Variants in GPSM1 observed in about 807,000 individuals in gnomAD.
The protein encoded by GPSM1 is G protein signaling modulator 1, also known as G protein-signaling modulator 1.
GPSM1 carries 48 observed loss-of-function variants against 70.5 expected under a neutral mutation model. The ratio of observed to expected loss-of-function variants is 0.68; its 90% CI spans 0.54 to 0.87. The LOEUF is 0.87. Among genes scored for constraint, GPSM1 ranks in the 40% least tolerant of loss-of-function variants. The pLI, the probability that GPSM1 is intolerant of heterozygous loss-of-function variation, is 0.00. For missense variants in GPSM1, 981 were observed against 972.6 expected, an observed-to-expected ratio of 1.01 and a Z score of -0.11; for synonymous variants, 416 against 430.1, an observed-to-expected ratio of 0.97 and a Z score of 0.41.
rs1554770717 is a variant in GPSM1 at position 136,343,672 on chromosome 9, G to A, written c.1207+2679G>A. ...TGATCAAGTGACTTGACCCACTTGT[G>A]CCTCAGTGTCCCCATCTGGGGAACG... is the stretch of plus-strand genomic sequence containing the variant. On this transcript the variant is annotated intron_variant, in intron 9 of 13. Coordinates refer to ENST00000440944, the MANE Select transcript of GPSM1 (RefSeq NM_001145638.3). The surrounding 1 kb of genome is among the most constrained non-coding windows in gnomAD (Gnocchi z 6.0). Among the ~76,000 whole-genome samples the A allele has an allele frequency of 6.6e-6, 1 of 152,232 alleles. No individual in the cohort carries two copies.
intron 12 of GPSM1, 80 bp from the exon 13 acceptor site, chr9:136,356,262 A>C: frequency 9.3e-7 from 1 of 1,076,612 alleles, no homozygotes; most frequent in Non-Finnish European, 1.3e-6. Context: ...CTCAGAGGTC[A>C]GAGCTCACTG....
At chr9:136,350,741 G>A (rs1020746837) in intron 11 of GPSM1, among the ~76,000 whole-genome samples, 6 of 152,246 alleles carry the variant, frequency 3.9e-5, no homozygotes, top group Non-Finnish European at 5.9e-5. Flanking sequence ...AGCAGCAGCA[G>A]CGCAGCCTGG....
In GPSM1 at chr9:136,349,536, G is replaced by A. The variant is rs1232222904; in HGVS notation, c.1279-51G>A. On this transcript the variant is annotated intron_variant, in intron 10 of 13. Transcript: ENST00000440944. ...CCTTCCCTTCAGGGTCCTGGGATGGGGACATTGGTTCACAATTGCCCAGGC... is the reference window on the plus strand; with the variant it reads ...CCTTCCCTTCAGGGTCCTGGGATGGAGACATTGGTTCACAATTGCCCAGGC... 6.0e-6 allele frequency: 9 copies of A among 1,493,036 alleles called. No individual in the cohort carries two copies. In the African/African-American group the frequency reaches 9.7e-5, roughly 16 times the overall value. The allele number at this position is 1,493,036 out of a possible 1,614,324, so 92.5% of individuals were successfully genotyped here.
intron 1 of GPSM1, among the ~76,000 whole-genome samples, chr9:136,332,745 G>C (rs1268071263): frequency 1.3e-5 from 2 of 151,494 alleles, no homozygotes; most frequent in African/African-American, 2.4e-5. Flanking sequence ...CTGGCAGGTA[G>C]TGGGTGGGAG....
intron 9 of GPSM1, among the ~76,000 whole-genome samples, chr9:136,345,249 T>A (rs1554771063): frequency 1.3e-5 from 2 of 152,164 alleles, no homozygotes; most frequent in African/African-American, 4.8e-5. Flanking sequence ...GAAATGATGA[T>A]GACAGTGTGA....
intron 9 of GPSM1, among the ~76,000 whole-genome samples, chr9:136,346,642 C>A (rs1208010582): frequency 6.6e-6 from 1 of 152,224 alleles, no homozygotes; most frequent in Non-Finnish European, 1.5e-5. Context: ...CCCAGCAAGA[C>A]CCAGGCCTGT....
Position 136,358,212 on chromosome 9 carries a change from G to A in GPSM1, c.2020G>A (p.Ala674Thr). 6.5e-7 allele frequency: 1 copy of A among 1,546,752 alleles called. No homozygotes were observed. Among genetic ancestry groups the A allele is most frequent in the Non-Finnish European group, 8.7e-7 (1 of 1,150,704 alleles). The change falls in exon 14 of 14, where the codon GCG (alanine) becomes ACG (threonine). Residue 674 changes from alanine to threonine, a missense_variant. Transcript: ENST00000440944. ...GCCCCAGCAGCAGTGCCAGCCTGGTGCGAGCTAAGGCCCTGTGCCCACCGC... is the reference window on the plus strand; with the variant it reads ...GCCCCAGCAGCAGTGCCAGCCTGGTACGAGCTAAGGCCCTGTGCCCACCGC... ...PEPQQQCQPG[A>T]S
chr9:136,351,272 G>A (rs1292457729), intron 11 of GPSM1, among the ~76,000 whole-genome samples: 4 of 152,170 alleles, frequency 2.6e-5, no homozygotes, highest in African/African-American at 9.7e-5. Flanking sequence ...GAGGTGTGGA[G>A]GGAAGGGCAC....
At chr9:136,331,071 C>T (rs565705260) in intron 1 of GPSM1, among the ~76,000 whole-genome samples, 2 of 152,182 alleles carry the variant, frequency 1.3e-5, no homozygotes, top group African/African-American at 2.4e-5. Flanking sequence ...ACCTGCCCCC[C>T]CAGTCCCCCG....
At chr9:136,335,869 C>T (rs1832219930) in intron 2 of GPSM1, 97 bp from the exon 3 acceptor site, 1 of 1,267,460 alleles carries the variant, frequency 7.9e-7, no homozygotes, top group Non-Finnish European at 1.1e-6. Context: ...ATGCTGGTCC[C>T]TGAGGCCCAG....
intron 13 of GPSM1, among the ~76,000 whole-genome samples, chr9:136,356,805 T>C (rs1204490180): frequency 1.3e-5 from 2 of 152,144 alleles, no homozygotes; most frequent in African/African-American, 4.8e-5. Context: ...TCCCAGGCTG[T>C]GCCACCCCCC....
intron 11 of GPSM1, chr9:136,353,134 G>A: frequency 7.1e-6 from 7 of 984,338 alleles, no homozygotes; most frequent in Non-Finnish European, 8.4e-6. Flanking sequence ...CCCTGCTGCT[G>A]TGGAGACAGC....
chr9:136,357,945 C>G, intron 13 of GPSM1, 69 bp from the exon 14 acceptor site: 1 of 1,276,628 alleles, frequency 7.8e-7, no homozygotes, highest in Non-Finnish European at 1.1e-6. Flanking sequence ...CTGGAACCAC[C>G]GCTGCTGACC....
chr9:136,339,904 G>GGGCC, intron 8 of GPSM1, 89 bp downstream of exon 8: 1 of 750,810 alleles, frequency 1.3e-6, no homozygotes, highest in Non-Finnish European at 2.2e-6. Context: ...GAGCGTGTGC[G>GGGCC]TGCCTGGGCC....
chr9:136,345,824 C>T (rs1832510188), intron 9 of GPSM1, among the ~76,000 whole-genome samples: 1 of 152,178 alleles, frequency 6.6e-6, no homozygotes, highest in Non-Finnish European at 1.5e-5. Flanking sequence ...GGGTCAGCAG[C>T]TGTCCTCAGA....
chr9:136,337,686 G>A (rs1162941828), intron 5 of GPSM1, 122 bp downstream of exon 5: 15 of 1,044,154 alleles, frequency 1.4e-5, no homozygotes, highest in South Asian at 4.3e-5. Flanking sequence ...CCGCCCCACC[G>A]AGTCCTGGCC....
rs1832407081 is a variant in GPSM1, at chr9:136,342,165, C to T, written c.1207+1172C>T. On this transcript the variant is annotated intron_variant, in intron 9 of 13. Transcript: ENST00000440944. This position sits in a 1 kb window ranked among gnomAD's most constrained non-coding sequence, Gnocchi z 5.5. ...AATGTGCCCCCCAGGATGTCCAGGC[C>T]TATTTCTACCCATGGCCGGGGTTTC... Among the ~76,000 whole-genome samples, 1 of 152,134 alleles carries T rather than the reference C, an allele frequency of 6.6e-6. No homozygotes were observed. The highest frequency in any genetic ancestry group is 2.1e-4 in the South Asian group (1 of 4,832).
intron 9 of GPSM1, among the ~76,000 whole-genome samples, chr9:136,346,879 G>A (rs532555986): frequency 5.3e-5 from 8 of 152,318 alleles, no homozygotes; most frequent in South Asian, 4.1e-4. Flanking sequence ...CGCCTGAGCC[G>A]GCTCTCTCCC....
At chr9:136,345,628 G>A (rs782747106) in intron 9 of GPSM1, among the ~76,000 whole-genome samples, 12 of 152,192 alleles carry the variant, frequency 7.9e-5, no homozygotes, top group African/African-American at 1.4e-4. Flanking sequence ...CGGAGGATGC[G>A]GTGGGGAAAC....
Sources: gnomAD v4.1 joint callset for allele counts (sites outside exome capture counted in the v4.1 genomes callset) on GRCh38, gnomAD v4.1.1 for gene constraint, Gnocchi (gnomAD v3.1) non-coding constraint, MANE v1.5 for transcripts, NCBI Gene and HGNC (gene_info 2026-07-23, HGNC 2026-07-21) for gene names.